Variants in LYSMD4 observed in about 807,000 individuals in gnomAD.
LYSMD4 encodes lysM and putative peptidoglycan-binding domain-containing protein 4.
A neutral mutation model predicts 6.1 loss-of-function variants in LYSMD4; 9 were observed. That is an observed-to-expected ratio of 1.47 (90% CI 0.88 to 2.56). The LOEUF is 2.56. Ranked by LOEUF, LYSMD4 falls within the 30% of genes most tolerant of loss-of-function variation. LYSMD4 has a pLI of 0.00. For synonymous variants in LYSMD4, 143 were observed against 148.5 expected, an observed-to-expected ratio of 0.96 and a Z score of 0.27; for missense variants, 384 against 373.5, an observed-to-expected ratio of 1.03 and a Z score of -0.23.
At chr15:99,726,151 T>TG (rs1189071942), downstream of LYSMD4, among the ~76,000 whole-genome samples, 1 of 131,354 alleles carries the variant, frequency 7.6e-6, no homozygotes, top group African/African-American at 2.7e-5. Flanking sequence ...AAGTGGTTTT[T>TG]TTTTTTTTTT....
exon 1 of LYSMD4, chr15:99,716,666 C>T: frequency 8.8e-6 from 4 of 456,790 alleles, no homozygotes; most frequent in South Asian, 6.2e-5. Context: ...CCCCACTGGC[C>T]TCCCCCTTGT....
chr15:99,719,611 TG>T (rs776148993), upstream of LYSMD4, among the ~76,000 whole-genome samples: 7 of 152,172 alleles, frequency 4.6e-5, no homozygotes, highest in Non-Finnish European at 4.4e-5. Flanking sequence ...ATCCATGGTG[TG>T]GATGTACCAT....
At chr15:99,721,683 A>G (rs1293423964), upstream of LYSMD4, among the ~76,000 whole-genome samples, 1 of 152,180 alleles carries the variant, frequency 6.6e-6, no homozygotes, top group Non-Finnish European at 1.5e-5. Flanking sequence ...TTGCCCCGTC[A>G]TGCCACCATT....
downstream of LYSMD4, among the ~76,000 whole-genome samples, chr15:99,726,448 G>C (rs1290464831): frequency 6.6e-6 from 1 of 152,008 alleles, no homozygotes; most frequent in African/African-American, 2.4e-5. Flanking sequence ...CTGGCCCCAA[G>C]TGGCTTTTAA....
At chr15:99,730,189 C>A (rs548295423) in intron 2 of LYSMD4, among the ~76,000 whole-genome samples, 1 of 152,250 alleles carries the variant, frequency 6.6e-6, no homozygotes, top group African/African-American at 2.4e-5. Context: ...ACCAAACACA[C>A]AGCCTCAGCC....
At chr15:99,731,693 G>C (rs576729999) in intron 2 of LYSMD4, 25 bp downstream of exon 2, 4 of 1,560,264 alleles carry the variant, frequency 2.6e-6, no homozygotes, top group Non-Finnish European at 3.5e-6. Context: ...ACGGAGCGGG[G>C]CAGGGCCCCT....
chr15:99,715,707 C>G (rs1410107798), exon 1 of LYSMD4: 1 of 152,134 alleles, frequency 6.6e-6, no homozygotes, highest in Non-Finnish European at 1.5e-5. Context: ...TTTTATCCCT[C>G]CAGAAGTATT....
chr15:99,725,519 C>T (rs1361307075), downstream of LYSMD4, among the ~76,000 whole-genome samples: 3 of 152,148 alleles, frequency 2.0e-5, no homozygotes, highest in Non-Finnish European at 4.4e-5. Context: ...TGCTGGACTT[C>T]GTGGCCCCCA....
chr15:99,718,257 C>T (rs986286582), upstream of LYSMD4, among the ~76,000 whole-genome samples: 39 of 152,134 alleles, frequency 2.6e-4, no homozygotes, highest in African/African-American at 8.2e-4. Flanking sequence ...TGCATTTTGG[C>T]GGGAAAACCA....
In LYSMD4 at chr15:99,731,320, G is replaced by A. The variant is rs377169186; in HGVS notation, c.282+398C>T. ...GTCAAGTAAGCTACCACCAAGAAAG[G>A]TTCAGAAAAATAAGAGCAGCGAGAA... is the stretch of plus-strand genomic sequence containing the variant. On this transcript the variant is annotated intron_variant, in intron 2 of 2. Coordinates refer to ENST00000684762, the MANE Select transcript of LYSMD4 (RefSeq NM_001284417.2). 1.9e-6 allele frequency: 3 copies of A among 1,602,940 alleles called. No homozygotes were observed. The African/African-American group carries it at 4.1e-5, about 22-fold the overall frequency.
exon 1 of LYSMD4, chr15:99,716,561 A>T (rs1352530996): frequency 2.2e-6 from 1 of 456,696 alleles, no homozygotes; most frequent in Non-Finnish European, 4.4e-6. Context: ...CTTCCCCTAA[A>T]GCCCTCTCCT....
chr15:99,719,084 G>A (rs1201726268), upstream of LYSMD4, among the ~76,000 whole-genome samples: 1 of 152,184 alleles, frequency 6.6e-6, no homozygotes, highest in African/African-American at 2.4e-5. Context: ...TTCAGTTCCA[G>A]TGTACACTTA....
At chr15:99,731,384 C>A (rs773108175) in intron 2 of LYSMD4, 1 of 1,613,196 alleles carries the variant, frequency 6.2e-7, no homozygotes, top group South Asian at 1.1e-5. Context: ...TAAATTCTGC[C>A]TGGTATCTCC....
exon 1 of LYSMD4, chr15:99,716,504 A>C (rs1174575605): frequency 2.2e-6 from 1 of 456,830 alleles, no homozygotes; most frequent in Non-Finnish European, 4.4e-6. Flanking sequence ...AGACTCTGTC[A>C]TGTTTGCCTG....
chr15:99,722,721 G>A (rs943727319), downstream of LYSMD4, among the ~76,000 whole-genome samples: 4 of 152,188 alleles, frequency 2.6e-5, no homozygotes, highest in Non-Finnish European at 5.9e-5. Flanking sequence ...AACCTTTAGA[G>A]ATTAAAAAGA....
chr15:99,731,265 T>C, intron 2 of LYSMD4: 1 of 1,602,478 alleles, frequency 6.2e-7, no homozygotes, highest in Non-Finnish European at 8.5e-7. Flanking sequence ...CATGCAGTTC[T>C]AAACGAGAGA....
chr15:99,719,259 T>C (rs2059220061), upstream of LYSMD4, among the ~76,000 whole-genome samples: 1 of 152,250 alleles, frequency 6.6e-6, no homozygotes, highest in Non-Finnish European at 1.5e-5. Context: ...TATCTTACTA[T>C]TTGTAACATG....
chr15:99,717,850 G>T (rs1196445043), upstream of LYSMD4: 1 of 152,220 alleles, frequency 6.6e-6, no homozygotes, highest in Non-Finnish European at 1.5e-5. Context: ...CAGTTGTACT[G>T]ACTGGTTTCA....
rs184458169 is a variant in LYSMD4 at position 99,728,601 on chromosome 15, G to T, written c.*522C>A. The stretch of plus-strand genomic sequence containing the variant: ...GAGGGGGCCAATATGAAGTAGGCTT[G>T]TTACAACTGTAACTGTCACTCTCTA... On this transcript the variant is annotated 3_prime_UTR_variant, in exon 3 of 3. Transcript: ENST00000684762. 2.2e-4 allele frequency: 37 copies of T among 168,290 alleles called. No homozygotes were observed. The highest frequency in any genetic ancestry group is 4.0e-4 in the Non-Finnish European group (30 of 75,390). The allele number at this position is 168,290 out of a possible 1,614,324, so 10.4% of individuals were successfully genotyped here. A position where few individuals can be genotyped will look rare whatever the true frequency, so the allele number is the denominator to read the frequency against.
Sources: gnomAD v4.1 joint callset for allele counts (sites outside exome capture counted in the v4.1 genomes callset) on GRCh38, gnomAD v4.1.1 for gene constraint, MANE v1.5 for transcripts, NCBI Gene and HGNC (gene_info 2026-07-23, HGNC 2026-07-21) for gene names.